HECW2: variants seen among roughly 807,000 people sequenced by gnomAD.
HECW2 encodes HECT, C2 and WW domain containing E3 ubiquitin protein ligase 2, also known as E3 ubiquitin-protein ligase HECW2.
HECW2 carries 61 observed loss-of-function variants against 175.2 expected under a neutral mutation model. That is an observed-to-expected ratio of 0.35 (90% CI 0.28 to 0.43). HECW2 has a LOEUF of 0.43. Ranked by LOEUF, HECW2 falls within the 20% of genes least tolerant of loss-of-function variation. HECW2 has a pLI of 1.00. For missense variants in HECW2, 1,524 were observed against 2,000.5 expected, an observed-to-expected ratio of 0.76 and a Z score of 4.54; for synonymous variants, 671 against 731.0, an observed-to-expected ratio of 0.92 and a Z score of 1.32.
At chr2:196,296,363 T>C (rs1175569020) in intron 13 of HECW2, among the ~76,000 whole-genome samples, 1 of 152,142 alleles carries the variant, frequency 6.6e-6, no homozygotes, top group Non-Finnish European at 1.5e-5. Context: ...GAGATTCAAA[T>C]CCAGTGGGAC....
chr2:196,300,705 T>C (rs1454754920), intron 13 of HECW2, among the ~76,000 whole-genome samples: 1 of 151,196 alleles, frequency 6.6e-6, no homozygotes, highest in Non-Finnish European at 1.5e-5. Context: ...TATACACATA[T>C]ATACATATAT....
intron 1 of HECW2, among the ~76,000 whole-genome samples, chr2:196,478,894 C>T (rs905946007): frequency 6.6e-6 from 1 of 152,138 alleles, no homozygotes; most frequent in Non-Finnish European, 1.5e-5. Flanking sequence ...TTACGGCAAA[C>T]TTGATGATTA....
intron 21 of HECW2, among the ~76,000 whole-genome samples, chr2:196,234,690 C>G (rs1342081233): frequency 6.6e-6 from 1 of 151,588 alleles, no homozygotes; most frequent in African/African-American, 2.4e-5. Context: ...AATAATAGAG[C>G]TGGAAAATAC....
intron 1 of HECW2, among the ~76,000 whole-genome samples, chr2:196,591,938 T>C (rs149827940): frequency 3.9e-5 from 6 of 152,156 alleles, no homozygotes; most frequent in African/African-American, 1.4e-4. Flanking sequence ...TCTTGGAACA[T>C]ACAGCCATCT....
chr2:196,376,538 T>C (rs1040301250), intron 2 of HECW2, among the ~76,000 whole-genome samples: 1 of 148,320 alleles, frequency 6.7e-6, no homozygotes, highest in Non-Finnish European at 1.5e-5. Flanking sequence ...CTGAGGCAGG[T>C]AGCAATTGCT....
At chr2:196,277,747 C>T (rs1302774360) in intron 15 of HECW2, among the ~76,000 whole-genome samples, 1 of 151,986 alleles carries the variant, frequency 6.6e-6, no homozygotes, top group Admixed American at 6.6e-5. Context: ...CAATGATAGA[C>T]TGGATTAAGA....
At chr2:196,263,575 T>C (rs957369492) in intron 17 of HECW2, 1 of 152,242 alleles carries the variant, frequency 6.6e-6, no homozygotes, top group African/African-American at 2.4e-5. Flanking sequence ...AATGGTATAA[T>C]GTCAAGAAAG....
intron 28 of HECW2, among the ~76,000 whole-genome samples, chr2:196,207,171 T>C (rs1018029258): frequency 6.6e-6 from 1 of 152,194 alleles, no homozygotes; most frequent in Non-Finnish European, 1.5e-5. Flanking sequence ...TTTCCAGTTA[T>C]TTCATGGATG....
At chr2:196,439,358 T>C (rs1695973930) in intron 1 of HECW2, among the ~76,000 whole-genome samples, 1 of 152,156 alleles carries the variant, frequency 6.6e-6, no homozygotes, top group Non-Finnish European at 1.5e-5. Context: ...TAAAAACCAC[T>C]AGAAGTTCTG....
At chr2:196,454,796 G>A (rs75455567) in intron 1 of HECW2, among the ~76,000 whole-genome samples, 13,865 of 152,132 alleles carry the variant, frequency 0.091, 743 homozygotes, top group South Asian at 0.17. Flanking sequence ...ACCTCTGGAA[G>A]GCTACTCAAC....
At chr2:196,498,043 T>A in intron 1 of HECW2, among the ~76,000 whole-genome samples, 1 of 152,228 alleles carries the variant, frequency 6.6e-6, no homozygotes, top group Non-Finnish European at 1.5e-5. Flanking sequence ...TCCTTATGCC[T>A]TTTCTCCAAT....
chr2:196,243,065 G>T (rs1005642761), intron 19 of HECW2, among the ~76,000 whole-genome samples: 1 of 152,096 alleles, frequency 6.6e-6, no homozygotes, highest in African/African-American at 2.4e-5. Context: ...ATCTCATATT[G>T]CAGGGTAAAA....
At chr2:196,245,232 C>T (rs186537435) in intron 19 of HECW2, among the ~76,000 whole-genome samples, 172 of 152,316 alleles carry the variant, frequency 1.1e-3, no homozygotes, top group African/African-American at 4.0e-3. Flanking sequence ...CTGTACATTA[C>T]AGATGATGCA....
rs374387386 is a variant in HECW2, at chr2:196,495,129, G to A, written c.-35-61671C>T. ...TGTCACCCAGGTGGAGTGCAATGGC[G>A]TGATCTTGGCTCACTGCAACCTCCA... On this transcript the variant is annotated intron_variant, in intron 1 of 28. Coordinates refer to ENST00000644978, the MANE Select transcript of HECW2 (RefSeq NM_001348768.2). Among the ~76,000 whole-genome samples, 41 of 151,552 alleles carry A rather than the reference G, an allele frequency of 2.7e-4. No homozygotes were observed. In the South Asian group the frequency reaches 7.1e-3, roughly 26 times the overall value.
At chr2:196,214,639 G>C (rs1687405216) in intron 28 of HECW2, among the ~76,000 whole-genome samples, 2 of 152,318 alleles carry the variant, frequency 1.3e-5, no homozygotes, top group South Asian at 4.1e-4. Flanking sequence ...TAGGTGTCTG[G>C]ATGCACAGCC....
Position 196,322,473 on chromosome 2 carries a change from A to AC in HECW2, c.884+4_884+5insG. On this transcript the variant is annotated splice_donor_region_variant and intron_variant, in intron 7 of 28. Transcript: ENST00000644978. ...ACAAGATCCCCAAAGGTAAGGGCTG[A>AC]TTACCCGATGGCTTGTCGCTCCAGC... 1.2e-6 allele frequency: 2 copies of AC among 1,612,706 alleles called. No homozygotes were observed. The highest frequency in any genetic ancestry group is 1.7e-6 in the Non-Finnish European group (2 of 1,179,564).
intron 1 of HECW2, among the ~76,000 whole-genome samples, chr2:196,518,666 A>C (rs1559154456): frequency 6.6e-6 from 1 of 151,774 alleles, no homozygotes; most frequent in South Asian, 2.1e-4. Flanking sequence ...AAAAAAAAAA[A>C]AAAAAAAAAA....
At position 196,204,233 on chromosome 2, in the gene HECW2, A is replaced by G. The variant is rs575297429; in HGVS notation, c.4608-2845T>C. Among the ~76,000 whole-genome samples, 5 of 152,302 alleles carry G rather than the reference A, an allele frequency of 3.3e-5. No homozygotes were observed. In the East Asian group the frequency reaches 9.7e-4, roughly 29 times the overall value. ...TGGGGGATATACACAGAAGTGCAAC[A>G]TCATATTGCATTTTTCATAGTGGCT... On this transcript the variant is annotated intron_variant, in intron 28 of 28. Transcript: ENST00000644978.
chr2:196,253,255 C>A (rs995999237), intron 19 of HECW2, among the ~76,000 whole-genome samples: 5 of 152,226 alleles, frequency 3.3e-5, no homozygotes, highest in Admixed American at 3.3e-4. Context: ...AAAGTGTGAA[C>A]AATGCACTGC....
Sources: gnomAD v4.1 joint callset for allele counts (sites outside exome capture counted in the v4.1 genomes callset) on GRCh38, gnomAD v4.1.1 for gene constraint, MANE v1.5 for transcripts, NCBI Gene and HGNC (gene_info 2026-07-23, HGNC 2026-07-21) for gene names.